The following UBN1 variants were observed in gnomAD, a reference collection of about 807,000 sequenced individuals.
The protein encoded by UBN1 is ubinuclein 1, also known as ubinuclein-1.
Under a neutral mutation model 108.5 loss-of-function variants are expected in UBN1, and 17 were observed. The observed-to-expected ratio is 0.16, with a 90% CI of 0.11 to 0.24. The LOEUF (loss-of-function observed/expected upper bound fraction) is 0.24, where lower values mean the gene tolerates loss of function less well. Among genes scored for constraint, UBN1 ranks in the 10% least tolerant of loss-of-function variants. The probability of loss-of-function intolerance (pLI) is 1.00; values close to 1 mark genes in which losing one functional copy is unlikely to be tolerated. For missense variants in UBN1, 1,595 were observed against 1,394.4 expected, an observed-to-expected ratio of 1.14 and a Z score of -2.29; for synonymous variants, 726 against 564.2, an observed-to-expected ratio of 1.29 and a Z score of -4.07.
chr16:4,849,370 C>G (rs1360033657), intron 1 of UBN1, among the ~76,000 whole-genome samples: 1 of 151,880 alleles, frequency 6.6e-6, no homozygotes, highest in African/African-American at 2.4e-5. Context: ...CCAAAAAACC[C>G]ATTAAAATAA....
At position 4,881,192 on chromosome 16, in the gene UBN1, GT is replaced by G. The variant is rs1418423355; in HGVS notation, c.*1063del. 1 of 152,638 alleles carries G rather than the reference GT, an allele frequency of 6.6e-6. No individual in the cohort carries two copies. Among genetic ancestry groups the G allele is most frequent in the Non-Finnish European group, 1.5e-5 (1 of 68,054 alleles). 9.5% of individuals were successfully genotyped at this position (152,638 alleles called of 1,614,324 possible). A position where few individuals can be genotyped will look rare whatever the true frequency, so the allele number is the denominator to read the frequency against. Reference sequence around the variant, plus strand: ...TCCCAAGTCACAGATAGACATTCCAGTTTGTATTCTTAGGAATCATTCTTAG... The same window carrying G: ...TCCCAAGTCACAGATAGACATTCCAGTTGTATTCTTAGGAATCATTCTTAG... On this transcript the variant is annotated 3_prime_UTR_variant, in exon 18 of 18. Transcript: ENST00000262376.
In UBN1 at chr16:4,882,111, A is replaced by G. The variant is rs1248167266; in HGVS notation, c.*1979A>G. The G allele has an allele frequency of 1.3e-5, 2 of 152,496 alleles. No homozygotes were observed. The highest frequency in any genetic ancestry group is 3.9e-4 in the East Asian group (2 of 5,186). 9.4% of individuals were successfully genotyped at this position (152,496 alleles called of 1,614,324 possible). On this transcript the variant is annotated 3_prime_UTR_variant, in exon 18 of 18. Coordinates refer to ENST00000262376, the MANE Select transcript of UBN1 (RefSeq NM_001079514.3). The stretch of plus-strand genomic sequence containing the variant: ...TGGTAATGAAAGAGCGAATGACTGA[A>G]CAGCCATGGCAAGGCAGACCTACAG...
Position 4,875,287 on chromosome 16 carries a change from T to C in UBN1, c.2877T>C (p.Pro959=). The change falls in exon 15 of 18, where the codon CCT becomes CCC. Residue 959 remains proline (P), a synonymous_variant. Transcript: ENST00000262376. ...CAAGTTCAGCAGGGAAAAAAATGCC[T>C]GTTTCCCAGAAGTTGACTCTGGTAG... The part of the protein sequence containing the change: ...PVPSSAGKKM[P]VSQKLTLVAP... 1 of 1,614,226 alleles carries C rather than the reference T, an allele frequency of 6.2e-7. No individual in the cohort carries two copies. The highest frequency in any genetic ancestry group is 8.5e-7 in the Non-Finnish European group (1 of 1,180,040).
At position 4,875,221 on chromosome 16, in the gene UBN1, A is replaced by G. The variant is rs1489781129; in HGVS notation, c.2811A>G (p.Ile937Met). The change falls in exon 15 of 18, where the codon ATA (isoleucine) becomes ATG (methionine). Residue 937 changes from isoleucine to methionine, a missense_variant. Physicochemically the swap from Ile to Met is conservative, Grantham distance 10. This residue lies in a region of UBN1 where 1,398 missense variants were observed against 1,194.7 expected (regional missense o/e 1.17). Coordinates refer to ENST00000262376, the MANE Select transcript of UBN1 (RefSeq NM_001079514.3). ...TTTCTGGGAGCCTGGTCCCTGGCAT[A>G]CAGCCTCCCTCCGTGGGACAGGCCA... ...SSVSGSLVPG[I>M]QPPSVGQATS... 5 of 1,614,112 alleles carry G rather than the reference A, an allele frequency of 3.1e-6. No individual in the cohort carries two copies. In the African/African-American group the frequency reaches 6.7e-5, roughly 22 times the overall value.
intron 5 of UBN1, 146 bp downstream of exon 5, chr16:4,859,305 T>C: frequency 1.7e-6 from 2 of 1,157,042 alleles, no homozygotes; most frequent in South Asian, 1.5e-5. Context: ...ATGGCTCGCC[T>C]CTTACACGTG....
At chr16:4,862,934 A>G (rs758311959) in intron 7 of UBN1, among the ~76,000 whole-genome samples, 2 of 152,208 alleles carry the variant, frequency 1.3e-5, no homozygotes, top group Admixed American at 1.3e-4. Context: ...CCTGGGTCCC[A>G]GTGGGGAGCT....
At chr16:4,876,102 G>A (rs1415638897) in intron 15 of UBN1, among the ~76,000 whole-genome samples, 1 of 152,004 alleles carries the variant, frequency 6.6e-6, no homozygotes, top group Non-Finnish European at 1.5e-5. Flanking sequence ...GGGACTACAG[G>A]CGTCCGCCAC....
chr16:4,857,315 C>T (rs2086860946), intron 2 of UBN1, among the ~76,000 whole-genome samples: 1 of 148,388 alleles, frequency 6.7e-6, no homozygotes, highest in South Asian at 2.1e-4. Context: ...TGTGCCACTG[C>T]ACTGCAGCCT....
At chr16:4,857,631 TG>T (rs2086875854) in intron 2 of UBN1, among the ~76,000 whole-genome samples, 1 of 152,200 alleles carries the variant, frequency 6.6e-6, no homozygotes, top group Non-Finnish European at 1.5e-5. Context: ...TTTCTTAGAA[TG>T]TTTTTAAATG....
In UBN1 at chr16:4,860,661, C is replaced by T. The variant is rs764838632; in HGVS notation, c.672-3C>T. 7 of 1,606,626 alleles carry T rather than the reference C, an allele frequency of 4.4e-6. No individual in the cohort carries two copies. The highest frequency in any genetic ancestry group is 1.3e-5 in the African/African-American group (1 of 74,420). On this transcript the variant is annotated splice_polypyrimidine_tract_variant and splice_region_variant and intron_variant, in intron 6 of 17. Coordinates refer to ENST00000262376, the MANE Select transcript of UBN1 (RefSeq NM_001079514.3). ...GAGTGACCAGTTTCCCTCTTGCTTGCAGCTTCACAGCCCTCAATGCCAGTA... is the reference window on the plus strand; with the variant it reads ...GAGTGACCAGTTTCCCTCTTGCTTGTAGCTTCACAGCCCTCAATGCCAGTA...
intron 17 of UBN1, among the ~76,000 whole-genome samples, chr16:4,879,623 C>T (rs1024617728): frequency 1.3e-5 from 2 of 152,264 alleles, no homozygotes; most frequent in African/African-American, 4.8e-5. Flanking sequence ...ATTTCAGCTG[C>T]GTGACTTGTG....
At chr16:4,878,845 T>G (rs1422288074) in intron 17 of UBN1, among the ~76,000 whole-genome samples, 1 of 152,060 alleles carries the variant, frequency 6.6e-6, no homozygotes, top group African/African-American at 2.4e-5. Flanking sequence ...ACCCTATCTC[T>G]ACATTTAAAG....
Position 4,871,150 on chromosome 16 carries a change from C to G in UBN1, c.1560-5C>G. On this transcript the variant is annotated splice_polypyrimidine_tract_variant and splice_region_variant and intron_variant, in intron 11 of 17. Coordinates refer to ENST00000262376, the MANE Select transcript of UBN1 (RefSeq NM_001079514.3). The stretch of plus-strand genomic sequence containing the variant: ...TGGAGTTTCTGATTTCTGCCTCCTT[C>G]TCAGGGAGCTACTGTGCCAGGTGGT... 1.2e-6 allele frequency: 2 copies of G among 1,613,738 alleles called. No individual in the cohort carries two copies.
chr16:4,867,190 G>A (rs762062401), intron 7 of UBN1, among the ~76,000 whole-genome samples: 2 of 152,206 alleles, frequency 1.3e-5, no homozygotes, highest in Non-Finnish European at 2.9e-5. Context: ...TAAGGTTGGA[G>A]TGCAATTATT....
At chr16:4,858,947 A>G in intron 4 of UBN1, 78 bp from the exon 5 acceptor site, 3 of 1,548,770 alleles carry the variant, frequency 1.9e-6, no homozygotes, top group Non-Finnish European at 2.6e-6. Flanking sequence ...GCACAGTCAC[A>G]TCTCTCTCGA....
chr16:4,873,530 C>T (rs2087738610), intron 14 of UBN1, among the ~76,000 whole-genome samples: 1 of 152,192 alleles, frequency 6.6e-6, no homozygotes, highest in African/African-American at 2.4e-5. Context: ...TTAGATGTTG[C>T]AGAAACCTCT....
intron 1 of UBN1, among the ~76,000 whole-genome samples, chr16:4,850,705 GATGTT>G (rs751895840): frequency 2.0e-5 from 3 of 152,160 alleles, no homozygotes; most frequent in Non-Finnish European, 4.4e-5. Context: ...TCCCTTATGT[GATGTT>G]ATAAGTTGAT....
In UBN1 at chr16:4,874,607, C is replaced by CCAG; in HGVS notation, c.2197_2198insCAG (p.Gln733delinsProGlu). ...TGCTCCACCACCAGCTAGCTCTCTG[C>CCAG]AGTCACCCCTCAATTTTCTGGCAGA... On this transcript the variant is annotated protein_altering_variant, in exon 15 of 18. Transcript: ENST00000262376. The CCAG allele has an allele frequency of 6.2e-7, 1 of 1,614,248 alleles. No individual in the cohort carries two copies. Among genetic ancestry groups the CCAG allele is most frequent in the Non-Finnish European group, 8.5e-7 (1 of 1,180,048 alleles).
Position 4,880,768 on chromosome 16 carries a change from G to C in UBN1, c.*636G>C, listed in dbSNP as rs2088053583. 1 of 152,438 alleles carries C rather than the reference G, an allele frequency of 6.6e-6. No individual in the cohort carries two copies. The highest frequency in any genetic ancestry group is 1.5e-5 in the Non-Finnish European group (1 of 68,194). 9.4% of individuals were successfully genotyped at this position (152,438 alleles called of 1,614,324 possible). A position where few individuals can be genotyped will look rare whatever the true frequency, so the allele number is the denominator to read the frequency against. On this transcript the variant is annotated 3_prime_UTR_variant, in exon 18 of 18. Coordinates refer to ENST00000262376, the MANE Select transcript of UBN1 (RefSeq NM_001079514.3). ...CTTTGTAGATTCAACAATTATGATAGGATTTTTACAGACACCTATTTTGGG... is the reference window on the plus strand; with the variant it reads ...CTTTGTAGATTCAACAATTATGATACGATTTTTACAGACACCTATTTTGGG...
Sources: allele counts gnomAD v4.1 joint callset (sites outside exome capture counted in the v4.1 genomes callset), GRCh38; gene constraint gnomAD v4.1.1; regional missense constraint gnomAD v4.1.1; transcripts MANE v1.5; gene names NCBI Gene and HGNC (gene_info 2026-07-23, HGNC 2026-07-21).